Variants in FAM135B observed in about 807,000 individuals in gnomAD.
The protein encoded by FAM135B is protein FAM135B.
In FAM135B, 43 loss-of-function variants were observed where a neutral mutation model predicts 127.7. The ratio of observed to expected loss-of-function variants is 0.34; its 90% CI spans 0.26 to 0.43. FAM135B has a LOEUF of 0.43. Among genes scored for constraint, FAM135B ranks in the 20% least tolerant of loss-of-function variants. FAM135B has a pLI of 1.00. For missense variants in FAM135B, 1,558 were observed against 1,725.6 expected (o/e 0.90, Z 1.72); for synonymous variants, 670 against 665.1 (o/e 1.01, Z -0.11).
chr8:138,404,631 A>C (rs1054247663), intron 1 of FAM135B, among the ~76,000 whole-genome samples: 3 of 152,138 alleles, frequency 2.0e-5, no homozygotes, highest in African/African-American at 4.8e-5. Context: ...AGAATATTTT[A>C]AATCCTCTGT....
At chr8:138,372,183 A>G (rs976063090) in intron 1 of FAM135B, among the ~76,000 whole-genome samples, 1 of 152,208 alleles carries the variant, frequency 6.6e-6, no homozygotes, top group Non-Finnish European at 1.5e-5. Context: ...ACAGCAGGTC[A>G]TCTCAACCTC....
intron 1 of FAM135B, among the ~76,000 whole-genome samples, chr8:138,394,437 G>GTC (rs1270921592): frequency 6.6e-6 from 1 of 152,212 alleles, no homozygotes; most frequent in Non-Finnish European, 1.5e-5. Flanking sequence ...GGTAGGCTAA[G>GTC]TCTCTTAGCC....
chr8:138,290,387 G>T (rs901938030), intron 3 of FAM135B, among the ~76,000 whole-genome samples: 2 of 152,174 alleles, frequency 1.3e-5, no homozygotes, highest in Admixed American at 6.5e-5. Flanking sequence ...TTAGAGCAGT[G>T]AATGCCCAGA....
In FAM135B at chr8:138,247,031, G is replaced by A. The variant is rs1455733731; in HGVS notation, c.542+3810C>T. ...TTGTTTTGGCCAACTTCTCCCACTT[G>A]GAACAGCTGTATTTACCCAATGCCT... On this transcript the variant is annotated intron_variant, in intron 6 of 19. Coordinates refer to ENST00000395297, the MANE Select transcript of FAM135B (RefSeq NM_015912.4). Among the ~76,000 whole-genome samples the A allele has an allele frequency of 2.0e-5, 3 of 152,168 alleles. No individual in the cohort carries two copies. In the East Asian group the frequency reaches 5.8e-4, roughly 29 times the overall value.
At chr8:138,269,130 C>A (rs1217608268) in intron 3 of FAM135B, among the ~76,000 whole-genome samples, 4 of 152,174 alleles carry the variant, frequency 2.6e-5, no homozygotes, top group Non-Finnish European at 4.4e-5. Flanking sequence ...GAAAAAAAGA[C>A]TTTTAGGTGC....
At chr8:138,389,634 G>A (rs1832426931) in intron 1 of FAM135B, among the ~76,000 whole-genome samples, 2 of 152,190 alleles carry the variant, frequency 1.3e-5, no homozygotes, top group Non-Finnish European at 2.9e-5. Flanking sequence ...CATACAGACA[G>A]AGAGCAGACA....
At chr8:138,198,137 T>C (rs1586749645) in intron 7 of FAM135B, among the ~76,000 whole-genome samples, 1 of 151,426 alleles carries the variant, frequency 6.6e-6, no homozygotes, top group South Asian at 2.1e-4. Context: ...GGGGGCGGGG[T>C]TTTTCCATGC....
At chr8:138,189,260 T>C (rs1216543730) in intron 9 of FAM135B, among the ~76,000 whole-genome samples, 1 of 152,152 alleles carries the variant, frequency 6.6e-6, no homozygotes, top group Non-Finnish European at 1.5e-5. Flanking sequence ...GAAGATTATC[T>C]TCCCGCTCCA....
chr8:138,263,152 A>G (rs1235108134), intron 4 of FAM135B, among the ~76,000 whole-genome samples: 1 of 152,080 alleles, frequency 6.6e-6, no homozygotes, highest in Non-Finnish European at 1.5e-5. Context: ...AAAAAAAACA[A>G]AACACTGTTT....
chr8:138,242,128 C>A lies in FAM135B; in HGVS notation c.669+814G>T, dbSNP rs1820837066. ...GAAGATTTGGGGGCTTCTCAGCCTTCAAAATCATGTGAGTCAATTACTTAT... is the reference window on the plus strand; with the variant it reads ...GAAGATTTGGGGGCTTCTCAGCCTTAAAAATCATGTGAGTCAATTACTTAT... On this transcript the variant is annotated intron_variant, in intron 7 of 19. Coordinates refer to ENST00000395297, the MANE Select transcript of FAM135B (RefSeq NM_015912.4). The surrounding 1 kb of genome is among the most constrained non-coding windows in gnomAD (Gnocchi z 9.6). Among the ~76,000 whole-genome samples, 1 of 149,026 alleles carries A rather than the reference C, an allele frequency of 6.7e-6. No homozygotes were observed. Among genetic ancestry groups the A allele is most frequent in the African/African-American group, 2.5e-5 (1 of 40,182 alleles).
intron 1 of FAM135B, among the ~76,000 whole-genome samples, chr8:138,384,086 C>T (rs1832034230): frequency 6.6e-6 from 1 of 152,252 alleles, no homozygotes; most frequent in Non-Finnish European, 1.5e-5. Flanking sequence ...ATTCCAGGAG[C>T]TGTAGACACA....
At chr8:138,375,089 A>C in intron 1 of FAM135B, among the ~76,000 whole-genome samples, 1 of 152,202 alleles carries the variant, frequency 6.6e-6, no homozygotes, top group South Asian at 2.1e-4. Context: ...ACAAAGGCTA[A>C]AGTCTGAGCC....
chr8:138,346,490 A>C (rs1829418967), intron 2 of FAM135B, among the ~76,000 whole-genome samples: 1 of 152,246 alleles, frequency 6.6e-6, no homozygotes, highest in African/African-American at 2.4e-5. Context: ...TGCAGCCATA[A>C]AAAGGAAGGA....
intron 1 of FAM135B, among the ~76,000 whole-genome samples, chr8:138,463,003 GTAA>G (rs995552810): frequency 6.6e-6 from 1 of 152,144 alleles, no homozygotes; most frequent in African/African-American, 2.4e-5. Context: ...AGACCAAGAA[GTAA>G]TAATAAATTA....
At chr8:138,491,231 C>G (rs1422674468) in intron 1 of FAM135B, among the ~76,000 whole-genome samples, 1 of 151,252 alleles carries the variant, frequency 6.6e-6, no homozygotes, top group Non-Finnish European at 1.5e-5. Flanking sequence ...AAAGCTATAT[C>G]ATCAATTAAA....
chr8:138,188,765 G>A (rs1001994322), intron 9 of FAM135B, among the ~76,000 whole-genome samples: 23 of 152,066 alleles, frequency 1.5e-4, no homozygotes, highest in African/African-American at 5.6e-4. Context: ...TCCATCTACC[G>A]CCTTTGTGCA....
At chr8:138,461,908 C>T (rs1226819464) in intron 1 of FAM135B, among the ~76,000 whole-genome samples, 1 of 152,144 alleles carries the variant, frequency 6.6e-6, no homozygotes, top group East Asian at 1.9e-4. Flanking sequence ...TAACCGCCCA[C>T]CCAGAGCAGC....
At chr8:138,431,899 C>T (rs572675127) in intron 1 of FAM135B, among the ~76,000 whole-genome samples, 1 of 152,318 alleles carries the variant, frequency 6.6e-6, no homozygotes, top group Non-Finnish European at 1.5e-5. Flanking sequence ...GGAAAGGCCA[C>T]TCCTAAGAAT....
intron 2 of FAM135B, among the ~76,000 whole-genome samples, chr8:138,360,258 C>T (rs983049180): frequency 2.6e-5 from 4 of 152,178 alleles, no homozygotes; most frequent in African/African-American, 4.8e-5. Flanking sequence ...ATTAGAAATG[C>T]AGGTTCATGC....
Sources: gnomAD v4.1 joint callset for allele counts (sites outside exome capture counted in the v4.1 genomes callset) on GRCh38, gnomAD v4.1.1 for gene constraint, Gnocchi (gnomAD v3.1) non-coding constraint, MANE v1.5 for transcripts, NCBI Gene and HGNC (gene_info 2026-07-23, HGNC 2026-07-21) for gene names.